Variants in PCDHA6 observed in about 807,000 individuals in gnomAD.
PCDHA6 encodes the protein protocadherin alpha-6.
PCDHA6 carries 55 observed loss-of-function variants against 60.3 expected under a neutral mutation model. That is an observed-to-expected ratio of 0.91 (90% CI 0.73 to 1.14). PCDHA6 has a LOEUF of 1.14. PCDHA6 is among the 50% of genes most tolerant of loss of function. The pLI is 0.00. For missense variants in PCDHA6, 1,327 were observed against 1,256.5 expected (o/e 1.06, Z -0.85); for synonymous variants, 652 against 557.9 (o/e 1.17, Z -2.38).
At position 140,853,369 on chromosome 5, in the gene PCDHA6, T is replaced by A. The variant is rs1471724448; in HGVS notation, c.2394+22884T>A. On this transcript the variant is annotated intron_variant, in intron 1 of 3. Transcript: ENST00000529310. ...ACATGAACTCACAGGGATCCAGAGA[T>A]GGTAAAATTCAAAACAGCCTGTCAA... is the stretch of plus-strand genomic sequence containing the variant. 3.1e-6 allele frequency: 3 copies of A among 982,868 alleles called. 1 individual carries two copies. The highest frequency in any genetic ancestry group is 3.7e-6 in the Non-Finnish European group (3 of 815,606). The allele number at this position is 982,868 out of a possible 1,614,324, so 60.9% of individuals were successfully genotyped here.
intron 1 of PCDHA6, among the ~76,000 whole-genome samples, chr5:140,950,750 C>T (rs1320735521): frequency 3.3e-5 from 5 of 151,928 alleles, no homozygotes; most frequent in Non-Finnish European, 7.4e-5. Flanking sequence ...TCTCTCTATC[C>T]TTTCTGGACT....
intron 1 of PCDHA6, among the ~76,000 whole-genome samples, chr5:140,952,513 A>G (rs533436826): frequency 6.6e-6 from 1 of 152,028 alleles, no homozygotes; most frequent in Non-Finnish European, 1.5e-5. Flanking sequence ...CCTCATCTCC[A>G]TCTGAGACCT....
At chr5:140,928,160 C>G (rs782224079) in intron 1 of PCDHA6, 1 of 1,614,096 alleles carries the variant, frequency 6.2e-7, no homozygotes, top group Non-Finnish European at 8.5e-7. Flanking sequence ...AGTGGCTCAC[C>G]CCCACTTAGC....
At chr5:141,006,412 A>G (rs1423476125) in intron 3 of PCDHA6, among the ~76,000 whole-genome samples, 7 of 151,898 alleles carry the variant, frequency 4.6e-5, no homozygotes, top group African/African-American at 1.7e-4. Flanking sequence ...ACGCGGTTTC[A>G]CTGTGTTAGC....
intron 3 of PCDHA6, among the ~76,000 whole-genome samples, chr5:140,986,555 T>A (rs1554248143): frequency 6.6e-6 from 1 of 152,214 alleles, no homozygotes; most frequent in African/African-American, 2.4e-5. Context: ...GCCAGGCTGC[T>A]TTGTTATCTG....
intron 1 of PCDHA6, chr5:140,835,887 C>G (rs1554135389): frequency 1.2e-6 from 2 of 1,611,898 alleles, no homozygotes; most frequent in Non-Finnish European, 1.7e-6. Flanking sequence ...GGTGGGCGAG[C>G]GCGCGCTGTC....
chr5:140,982,992 A>G (rs1413932820), intron 3 of PCDHA6, among the ~76,000 whole-genome samples: 1 of 151,958 alleles, frequency 6.6e-6, no homozygotes, highest in African/African-American at 2.4e-5. Flanking sequence ...GAGAAAAAGA[A>G]GGAAAGAAAG....
intron 2 of PCDHA6, among the ~76,000 whole-genome samples, chr5:140,979,316 G>A (rs782153299): frequency 2.0e-5 from 3 of 151,950 alleles, no homozygotes; most frequent in Non-Finnish European, 4.4e-5. Context: ...CTCTACCTAT[G>A]CTTTCTTTTC....
At chr5:140,883,226 G>T (rs572696678) in intron 1 of PCDHA6, 82 of 1,613,938 alleles carry the variant, frequency 5.1e-5, no homozygotes, top group South Asian at 4.2e-4. Flanking sequence ...TGAAATATCC[G>T]TGGAGGCAGT....
chr5:140,834,156 TA>T, intron 1 of PCDHA6: 1 of 537,442 alleles, frequency 1.9e-6, no homozygotes, highest in East Asian at 3.0e-5. Flanking sequence ...TAATGGTTTG[TA>T]ATTCTTACTT....
intron 2 of PCDHA6, among the ~76,000 whole-genome samples, chr5:140,981,442 C>T (rs1379745081): frequency 6.6e-6 from 1 of 151,988 alleles, no homozygotes; most frequent in Non-Finnish European, 1.5e-5. Flanking sequence ...GGCATGGTGG[C>T]GGGTGCCTGT....
chr5:140,856,901 C>A, intron 1 of PCDHA6: 1 of 1,595,974 alleles, frequency 6.3e-7, no homozygotes, highest in Non-Finnish European at 8.6e-7. Flanking sequence ...CTCTTTGGTC[C>A]CACCCACGAT....
intron 1 of PCDHA6, chr5:140,968,382 A>G: frequency 6.2e-7 from 1 of 1,614,050 alleles, no homozygotes; most frequent in Non-Finnish European, 8.5e-7. Flanking sequence ...TCCTTTGACT[A>G]TGAGAAGTTT....
chr5:140,857,567 G>C, intron 1 of PCDHA6: 1 of 1,596,986 alleles, frequency 6.3e-7, no homozygotes, highest in Non-Finnish European at 8.6e-7. Flanking sequence ...GTCGAGCTAC[G>C]TGTCGGTGCA....
At chr5:140,857,435 G>A (rs912006741) in intron 1 of PCDHA6, 4 of 1,598,574 alleles carry the variant, frequency 2.5e-6, no homozygotes, top group Admixed American at 3.4e-5. Flanking sequence ...CACGGTGTTC[G>A]TGAAGGAGAA....
intron 3 of PCDHA6, among the ~76,000 whole-genome samples, chr5:141,001,681 A>G (rs2153971146): frequency 6.6e-6 from 1 of 151,672 alleles, no homozygotes; most frequent in East Asian, 2.0e-4. Context: ...GGTCCAACAA[A>G]CCCCACAGAT....
intron 3 of PCDHA6, among the ~76,000 whole-genome samples, chr5:140,994,595 C>CT (rs1554254262): frequency 6.6e-6 from 1 of 151,984 alleles, no homozygotes; most frequent in East Asian, 1.9e-4. Context: ...GTCTCAGCTA[C>CT]TTGGGAGGCT....
intron 1 of PCDHA6, chr5:140,841,774 GTT>G (rs2150322506): frequency 6.2e-7 from 1 of 1,613,914 alleles, no homozygotes; most frequent in South Asian, 1.1e-5. Flanking sequence ...CAGACTCTCG[GTT>G]TCCGCTAGAG....
Position 140,929,272 on chromosome 5 carries a change from T to G in PCDHA6, c.2395-49677T>G, listed in dbSNP as rs560527071. Reference sequence around the variant, plus strand: ...TGGGGTAGGACTGAATTTGCCAATATCCTGTATTCAGATTCGGAATAGGAA... The same window carrying G: ...TGGGGTAGGACTGAATTTGCCAATAGCCTGTATTCAGATTCGGAATAGGAA... On this transcript the variant is annotated intron_variant, in intron 1 of 3. Transcript: ENST00000529310. The G allele has an allele frequency of 1.3e-4, 206 of 1,607,152 alleles. 1 individual carries two copies. The South Asian group carries it at 2.1e-3, about 17-fold the overall frequency.
Sources: allele counts gnomAD v4.1 joint callset (sites outside exome capture counted in the v4.1 genomes callset), GRCh38; gene constraint gnomAD v4.1.1; transcripts MANE v1.5; gene names NCBI Gene and HGNC (gene_info 2026-07-23, HGNC 2026-07-21).